SMARCC1: variants seen among roughly 807,000 people sequenced by gnomAD.
SMARCC1 encodes SWI/SNF related BAF chromatin remodeling complex subunit C1.
SMARCC1 carries 43 observed loss-of-function variants against 147.4 expected under a neutral mutation model. The ratio of observed to expected loss-of-function variants is 0.29; its 90% confidence interval spans 0.23 to 0.38. The LOEUF (loss-of-function observed/expected upper bound fraction) is 0.38, where lower values mean the gene tolerates loss of function less well. Among genes scored for constraint, SMARCC1 ranks in the 10% least tolerant of loss-of-function variants. The pLI, the probability that SMARCC1 is intolerant of heterozygous loss-of-function variation, is 1.00. For missense variants in SMARCC1, 1,119 were observed against 1,381.1 expected, an observed-to-expected ratio of 0.81 and a Z score of 3.01; for synonymous variants, 495 against 484.4, an observed-to-expected ratio of 1.02 and a Z score of -0.29.
Position 47,693,235 on chromosome 3 carries a change from G to A in SMARCC1, c.1225+6C>T. The A allele has an allele frequency of 6.5e-7, 1 of 1,529,892 alleles. No homozygotes were observed. Among genetic ancestry groups the A allele is most frequent in the Non-Finnish European group, 9.1e-7 (1 of 1,103,722 alleles). 94.8% of individuals were successfully genotyped at this position (1,529,892 alleles called of 1,614,324 possible). A position where few individuals can be genotyped will look rare whatever the true frequency, so the allele number is the denominator to read the frequency against. ...ACAGACCAGTGTATAGATTTTAGGT[G>A]CTTACCTAGATCCGCTACAGTTCCT... On this transcript the variant is annotated splice_donor_region_variant and intron_variant, in intron 12 of 27. Coordinates refer to ENST00000254480, the MANE Select transcript of SMARCC1 (RefSeq NM_003074.4).
chr3:47,734,898 CA>C (rs1010424824), intron 5 of SMARCC1, among the ~76,000 whole-genome samples: 1 of 152,204 alleles, frequency 6.6e-6, no homozygotes, highest in African/African-American at 2.4e-5. Context: ...GCTGGGACTA[CA>C]GTGGCATGCC....
intron 19 of SMARCC1, among the ~76,000 whole-genome samples, chr3:47,668,062 T>C (rs928558539): frequency 3.9e-5 from 6 of 152,128 alleles, no homozygotes; most frequent in South Asian, 4.1e-4. Context: ...CATGTACATA[T>C]ATATTAACTT....
rs138800114 is a variant in SMARCC1, at chr3:47,647,635, T to C, written c.2321-8855A>G. ...TAAAGGAGTCCTGAGGCCAAAAACT[T>C]GGGAGAACTTAGTCTCAGAGATTTC... On this transcript the variant is annotated intron_variant, in intron 21 of 27. Transcript: ENST00000254480. 5.2e-3 allele frequency among the ~76,000 whole-genome samples: 787 copies of C among 152,260 alleles called. 7 individuals carry two copies. Among genetic ancestry groups the C allele is most frequent in the African/African-American group, 0.018 (752 of 41,556 alleles).
chr3:47,697,505 T>C (rs1449892185), intron 11 of SMARCC1, among the ~76,000 whole-genome samples: 2 of 151,512 alleles, frequency 1.3e-5, no homozygotes, highest in East Asian at 2.0e-4. Context: ...TTTCAACTTG[T>C]TGGCCAGGCT....
intron 6 of SMARCC1, among the ~76,000 whole-genome samples, chr3:47,721,727 G>C (rs1487149977): frequency 6.6e-6 from 1 of 152,106 alleles, no homozygotes; most frequent in Non-Finnish European, 1.5e-5. Flanking sequence ...AAAGTGAAAG[G>C]GGGCCAGGTG....
chr3:47,706,284 C>T (rs750593338), intron 10 of SMARCC1, 125 bp downstream of exon 10: 2 of 845,958 alleles, frequency 2.4e-6, no homozygotes, highest in Non-Finnish European at 3.3e-6. Flanking sequence ...GTTGGCCAGG[C>T]TGGATTTGAA....
intron 26 of SMARCC1, among the ~76,000 whole-genome samples, chr3:47,606,912 T>A (rs989888391): frequency 2.7e-5 from 4 of 150,000 alleles, no homozygotes; most frequent in Non-Finnish European, 4.4e-5. Context: ...ACAGCTTCTC[T>A]CTATATTGCC....
intron 8 of SMARCC1, among the ~76,000 whole-genome samples, chr3:47,712,267 AAT>A (rs2034093024): frequency 6.6e-6 from 1 of 152,132 alleles, no homozygotes; most frequent in South Asian, 2.1e-4. Flanking sequence ...TAAATAAATA[AAT>A]AGAGTATATA....
intron 10 of SMARCC1, among the ~76,000 whole-genome samples, chr3:47,705,913 A>G (rs899958902): frequency 1.3e-5 from 2 of 152,198 alleles, no homozygotes; most frequent in Non-Finnish European, 2.9e-5. Context: ...CAATCTATTC[A>G]GTAGAAATCG....
chr3:47,735,342 C>T (rs2034429210), intron 5 of SMARCC1, among the ~76,000 whole-genome samples: 1 of 152,036 alleles, frequency 6.6e-6, no homozygotes, highest in Admixed American at 6.6e-5. Flanking sequence ...AGAAAAAAAA[C>T]ACTGGTACTT....
At chr3:47,697,762 C>T (rs954438426) in intron 11 of SMARCC1, among the ~76,000 whole-genome samples, 2 of 151,712 alleles carry the variant, frequency 1.3e-5, no homozygotes, top group East Asian at 3.9e-4. Context: ...AATCCCAGCA[C>T]TTTGGGAGGC....
intron 26 of SMARCC1, among the ~76,000 whole-genome samples, chr3:47,599,486 A>C (rs544410015): frequency 1.3e-5 from 2 of 152,266 alleles, no homozygotes; most frequent in South Asian, 4.1e-4. Context: ...TTCAATCCCC[A>C]TAACAACACT....
intron 6 of SMARCC1, among the ~76,000 whole-genome samples, chr3:47,723,131 C>A (rs1320767027): frequency 6.6e-6 from 1 of 152,116 alleles, no homozygotes; most frequent in Non-Finnish European, 1.5e-5. Context: ...GAAAGATGTG[C>A]TCCTAGGCAA....
chr3:47,724,798 G>A (rs2034279069), intron 6 of SMARCC1, among the ~76,000 whole-genome samples: 1 of 152,132 alleles, frequency 6.6e-6, no homozygotes, highest in Non-Finnish European at 1.5e-5. Context: ...GCTCACGCCT[G>A]TAATCCCAAA....
chr3:47,743,830 A>T (rs1355743022), intron 3 of SMARCC1, among the ~76,000 whole-genome samples: 2 of 151,764 alleles, frequency 1.3e-5, no homozygotes, highest in Non-Finnish European at 2.9e-5. Flanking sequence ...AAAAAAAAAA[A>T]TTTCATTGTG....
rs1371783030 is a variant in SMARCC1, at chr3:47,660,436, ACT to A, written c.2320+856_2320+857del. On this transcript the variant is annotated intron_variant, in intron 21 of 27. Transcript: ENST00000254480. ...ACTCCAGCCTGGGCGACAGAGCAAG[ACT>A]CTGTCTAAAAAAAAAAAAAAAAAAA... Among the ~76,000 whole-genome samples the A allele has an allele frequency of 2.2e-5, 3 of 134,452 alleles. No individual in the cohort carries two copies. In the East Asian group the frequency reaches 6.3e-4, roughly 28 times the overall value. The allele number at this position is 134,452 out of a possible 152,430, so 88.2% of individuals were successfully genotyped here. A position where few individuals can be genotyped will look rare whatever the true frequency, so the allele number is the denominator to read the frequency against.
At chr3:47,697,326 A>G in intron 11 of SMARCC1, among the ~76,000 whole-genome samples, 1 of 141,854 alleles carries the variant, frequency 7.0e-6, no homozygotes, top group Non-Finnish European at 1.5e-5. Context: ...TTTTAGATGG[A>G]GTCTGGCTCT....
At chr3:47,683,074 G>A (rs776385818) in intron 14 of SMARCC1, among the ~76,000 whole-genome samples, 28 of 152,156 alleles carry the variant, frequency 1.8e-4, no homozygotes, top group Non-Finnish European at 3.2e-4. Flanking sequence ...ACGGAGTCTC[G>A]CTCTGTCGCC....
intron 26 of SMARCC1, among the ~76,000 whole-genome samples, chr3:47,608,584 G>T (rs2032514500): frequency 6.6e-6 from 1 of 152,074 alleles, no homozygotes; most frequent in Admixed American, 6.5e-5. Flanking sequence ...TAGAGCTCAT[G>T]CCTGTAATCC....
Sources: allele counts gnomAD v4.1 joint callset (sites outside exome capture counted in the v4.1 genomes callset), GRCh38; gene constraint gnomAD v4.1.1; transcripts MANE v1.5; gene names NCBI Gene and HGNC (gene_info 2026-07-23, HGNC 2026-07-21).